The following CACNG3 variants were observed in gnomAD, a reference collection of about 807,000 sequenced individuals.
CACNG3 encodes voltage-dependent calcium channel gamma-3 subunit.
Under a neutral mutation model 28.5 loss-of-function variants are expected in CACNG3, and 3 were observed. The ratio of observed to expected loss-of-function variants is 0.11; its 90% CI spans 0.05 to 0.27. The LOEUF (loss-of-function observed/expected upper bound fraction) is 0.27, where lower values mean the gene tolerates loss of function less well. CACNG3 is among the 10% of genes least tolerant of loss of function. The probability of loss-of-function intolerance (pLI) is 1.00; values close to 1 mark genes in which losing one functional copy is unlikely to be tolerated. For synonymous variants in CACNG3, 174 were observed against 162.2 expected, an observed-to-expected ratio of 1.07 and a Z score of -0.55; for missense variants, 236 against 414.4, an observed-to-expected ratio of 0.57 and a Z score of 3.74.
chr16:24,280,938 T>G (rs766664282), intron 1 of CACNG3, among the ~76,000 whole-genome samples: 2 of 151,676 alleles, frequency 1.3e-5, no homozygotes, highest in African/African-American at 4.9e-5. Context: ...ATTCATTCAG[T>G]TGGAAGTGAC....
At chr16:24,265,324 AAAAGAAAGAAGG>A (rs1462306640) in intron 1 of CACNG3, among the ~76,000 whole-genome samples, 1 of 148,598 alleles carries the variant, frequency 6.7e-6, no homozygotes, top group Non-Finnish European at 1.5e-5. Context: ...GGAAGGAAGG[AAAAGAAAGAAGG>A]AAAGAAAGAA....
At chr16:24,341,640 G>A (rs1167091087) in intron 1 of CACNG3, among the ~76,000 whole-genome samples, 3 of 152,224 alleles carry the variant, frequency 2.0e-5, no homozygotes. Flanking sequence ...AAGGAACTGA[G>A]GTTTGGAGAG....
At chr16:24,304,576 G>GGTTTT (rs1238273859) in intron 1 of CACNG3, among the ~76,000 whole-genome samples, 3 of 152,040 alleles carry the variant, frequency 2.0e-5, no homozygotes, top group Non-Finnish European at 2.9e-5. Context: ...TGGGGTATTT[G>GGTTTT]GTTTTGTTTT....
At chr16:24,257,206 G>C (rs1264062699) in intron 1 of CACNG3, among the ~76,000 whole-genome samples, 3 of 151,994 alleles carry the variant, frequency 2.0e-5, no homozygotes, top group African/African-American at 7.2e-5. Context: ...ACTCTAGGCA[G>C]CTTCTGCAGT....
intron 1 of CACNG3, among the ~76,000 whole-genome samples, chr16:24,339,387 CTT>C (rs1172337482): frequency 3.5e-5 from 5 of 143,274 alleles, no homozygotes; most frequent in African/African-American, 1.3e-4. Flanking sequence ...CTGCTTCTTC[CTT>C]TTTTTTTTTT....
intron 1 of CACNG3, among the ~76,000 whole-genome samples, chr16:24,302,816 C>T (rs1409127415): frequency 6.6e-6 from 1 of 152,078 alleles, no homozygotes; most frequent in Non-Finnish European, 1.5e-5. Flanking sequence ...CACACCACCA[C>T]ACCAGGTTAA....
chr16:24,289,112 G>A (rs953379476), intron 1 of CACNG3, among the ~76,000 whole-genome samples: 3 of 152,098 alleles, frequency 2.0e-5, no homozygotes, highest in Non-Finnish European at 1.5e-5. Context: ...TGTCTACAAA[G>A]GTAGTAAGAA....
intron 1 of CACNG3, among the ~76,000 whole-genome samples, chr16:24,298,189 C>T (rs1899058548): frequency 6.6e-6 from 1 of 152,010 alleles, no homozygotes; most frequent in Non-Finnish European, 1.5e-5. Flanking sequence ...TGTGATTAGC[C>T]CTTGTTTTTA....
chr16:24,310,453 A>G (rs1321750656), intron 1 of CACNG3, among the ~76,000 whole-genome samples: 2 of 152,148 alleles, frequency 1.3e-5, no homozygotes, highest in African/African-American at 4.8e-5. Flanking sequence ...AATCCCAGCT[A>G]CTTGGGAGGC....
At chr16:24,265,391 GAAGA>G (rs975370807) in intron 1 of CACNG3, among the ~76,000 whole-genome samples, 31 of 142,228 alleles carry the variant, frequency 2.2e-4, no homozygotes, top group African/African-American at 4.7e-4. Context: ...AGAAAAGAAA[GAAGA>G]AAGAAAGAAA....
At chr16:24,279,583 G>A (rs1330136142) in intron 1 of CACNG3, among the ~76,000 whole-genome samples, 1 of 152,168 alleles carries the variant, frequency 6.6e-6, no homozygotes, top group Non-Finnish European at 1.5e-5. Flanking sequence ...GGAACTACAA[G>A]GGTGACCCAG....
At chr16:24,304,852 G>A (rs569627603) in intron 1 of CACNG3, among the ~76,000 whole-genome samples, 16 of 152,192 alleles carry the variant, frequency 1.1e-4, no homozygotes, top group South Asian at 6.2e-4. Context: ...ATGAGCCACC[G>A]CGCCCAGCAT....
chr16:24,289,345 T>C (rs1898935909), intron 1 of CACNG3, among the ~76,000 whole-genome samples: 1 of 152,084 alleles, frequency 6.6e-6, no homozygotes, highest in African/African-American at 2.4e-5. Flanking sequence ...CTTCAGATTG[T>C]TATGTGATGG....
At chr16:24,340,828 G>A (rs567742932) in intron 1 of CACNG3, among the ~76,000 whole-genome samples, 1 of 152,202 alleles carries the variant, frequency 6.6e-6, no homozygotes, top group East Asian at 1.9e-4. Context: ...GCCCTTCGCT[G>A]GGCTCCTGTC....
At chr16:24,298,357 C>A (rs954552715) in intron 1 of CACNG3, among the ~76,000 whole-genome samples, 3 of 152,012 alleles carry the variant, frequency 2.0e-5, no homozygotes, top group Admixed American at 6.6e-5. Context: ...AGTTAATCCC[C>A]AGTTATTGGG....
intron 1 of CACNG3, among the ~76,000 whole-genome samples, chr16:24,303,196 C>T (rs1222783023): frequency 6.6e-6 from 1 of 152,166 alleles, no homozygotes; most frequent in Non-Finnish European, 1.5e-5. Context: ...TCATTTCAGC[C>T]ACATTCCTCG....
chr16:24,295,768 G>A (rs1899023358), intron 1 of CACNG3, among the ~76,000 whole-genome samples: 1 of 152,128 alleles, frequency 6.6e-6, no homozygotes, highest in Non-Finnish European at 1.5e-5. Context: ...AGGATTGCTT[G>A]GGCCTGGGAG....
chr16:24,286,054 G>A (rs886339395), intron 1 of CACNG3, among the ~76,000 whole-genome samples: 13 of 151,950 alleles, frequency 8.6e-5, no homozygotes, highest in Non-Finnish European at 1.5e-4. Flanking sequence ...ATGTTTCCCA[G>A]GCTGTTCTTG....
At chr16:24,336,275 ATT>A (rs548335074) in intron 1 of CACNG3, among the ~76,000 whole-genome samples, 19 of 142,570 alleles carry the variant, frequency 1.3e-4, no homozygotes, top group Admixed American at 2.8e-4. Flanking sequence ...GATCACTGGC[ATT>A]TTTTTTTTTT....
Sources: gnomAD v4.1 joint callset for allele counts (sites outside exome capture counted in the v4.1 genomes callset) on GRCh38, gnomAD v4.1.1 for gene constraint, MANE v1.5 for transcripts, NCBI Gene and HGNC (gene_info 2026-07-23, HGNC 2026-07-21) for gene names.